The following CEP128 variants were observed in gnomAD, a reference collection of about 807,000 sequenced individuals.
CEP128 encodes centrosomal protein 128, also known as centrosomal protein 128kDa.
CEP128 carries 132 observed loss-of-function variants against 156.7 expected under a neutral mutation model. The observed-to-expected ratio is 0.84, with a 90% confidence interval of 0.73 to 0.97. The LOEUF (loss-of-function observed/expected upper bound fraction) is 0.97. Ranked by LOEUF, CEP128 falls within the 50% of genes least tolerant of loss-of-function variation. CEP128 has a pLI of 0.00. For missense variants in CEP128, 1,252 were observed against 1,281.9 expected (o/e 0.98, Z 0.36); for synonymous variants, 469 against 448.9 (o/e 1.04, Z -0.57).
At chr14:80,509,154 T>C (rs967886724) in intron 23 of CEP128, among the ~76,000 whole-genome samples, 1 of 152,198 alleles carries the variant, frequency 6.6e-6, no homozygotes, top group South Asian at 2.1e-4. Flanking sequence ...GGTCCCTGTA[T>C]ACCTAGAAGT....
At chr14:80,934,944 C>T (rs1279212378) in intron 2 of CEP128, among the ~76,000 whole-genome samples, 1 of 152,062 alleles carries the variant, frequency 6.6e-6, no homozygotes, top group African/African-American at 2.4e-5. Flanking sequence ...TTTACAGTTT[C>T]CTATGGACTA....
chr14:80,848,324 C>T (rs575413258), intron 9 of CEP128, among the ~76,000 whole-genome samples: 7 of 152,190 alleles, frequency 4.6e-5, no homozygotes, highest in South Asian at 4.1e-4. Context: ...AAAAGCAAGA[C>T]GGCCAGGATG....
intron 9 of CEP128, among the ~76,000 whole-genome samples, chr14:80,852,567 A>G (rs1193847907): frequency 6.6e-6 from 1 of 151,860 alleles, no homozygotes; most frequent in Non-Finnish European, 1.5e-5. Context: ...AGTCAAAAAG[A>G]AAACTAATAA....
chr14:80,848,217 G>A (rs567927981), intron 9 of CEP128, among the ~76,000 whole-genome samples: 12 of 152,278 alleles, frequency 7.9e-5, no homozygotes, highest in Non-Finnish European at 1.5e-4. Flanking sequence ...GAACATGAGC[G>A]CACAAACCGT....
At chr14:80,784,787 T>C (rs372448041) in intron 15 of CEP128, 108 bp downstream of exon 15, 145 of 985,792 alleles carry the variant, frequency 1.5e-4, no homozygotes, top group Middle Eastern at 1.3e-3. Context: ...TTATCTTCCC[T>C]TCAGTGCTTG....
intron 19 of CEP128, among the ~76,000 whole-genome samples, chr14:80,727,006 G>C (rs995032609): frequency 6.6e-6 from 1 of 152,094 alleles, no homozygotes; most frequent in African/African-American, 2.4e-5. Flanking sequence ...CTACATATTT[G>C]GGTGGAATTA....
At chr14:80,828,675 A>G (rs1340611191) in intron 13 of CEP128, among the ~76,000 whole-genome samples, 1 of 152,194 alleles carries the variant, frequency 6.6e-6, no homozygotes, top group Non-Finnish European at 1.5e-5. Flanking sequence ...GATGGAGCTG[A>G]GTAGGGAAGT....
chr14:80,589,825 T>C (rs1041739007), intron 19 of CEP128, among the ~76,000 whole-genome samples: 3 of 152,148 alleles, frequency 2.0e-5, no homozygotes, highest in Non-Finnish European at 2.9e-5. Flanking sequence ...CTAAGTATTT[T>C]TAAAATAATG....
chr14:80,575,810 T>C (rs1368181674), intron 20 of CEP128, among the ~76,000 whole-genome samples: 3 of 152,162 alleles, frequency 2.0e-5, no homozygotes, highest in East Asian at 3.9e-4. Context: ...AACCTACCAA[T>C]GGCTTAGTAT....
chr14:80,959,241 G>A (rs1886885935), intron 1 of CEP128, among the ~76,000 whole-genome samples: 1 of 152,038 alleles, frequency 6.6e-6, no homozygotes. Context: ...CCCACTGCCA[G>A]TGGAACATTC....
At chr14:80,912,510 A>G (rs1328844937) in intron 4 of CEP128, among the ~76,000 whole-genome samples, 2 of 152,200 alleles carry the variant, frequency 1.3e-5, no homozygotes, top group African/African-American at 4.8e-5. Context: ...TAATAAATTA[A>G]AAAGCAAAGA....
intron 2 of CEP128, among the ~76,000 whole-genome samples, chr14:80,937,989 T>C (rs1011823376): frequency 6.6e-6 from 1 of 151,974 alleles, no homozygotes; most frequent in African/African-American, 2.4e-5. Context: ...CTCGACCTTC[T>C]GGGCTCAAGT....
chr14:80,830,152 C>A, intron 13 of CEP128: 1 of 506,280 alleles, frequency 2.0e-6, no homozygotes, highest in Non-Finnish European at 3.5e-6. Context: ...GTATAATTAC[C>A]ATTGCTCTGA....
chr14:80,665,113 T>G (rs1382079750), intron 19 of CEP128, among the ~76,000 whole-genome samples: 1 of 152,188 alleles, frequency 6.6e-6, no homozygotes, highest in Non-Finnish European at 1.5e-5. Context: ...TGTCAAGTGC[T>G]TGAAGAAATT....
intron 23 of CEP128, among the ~76,000 whole-genome samples, chr14:80,518,034 C>G (rs1049394680): frequency 6.6e-6 from 1 of 151,414 alleles, no homozygotes; most frequent in Non-Finnish European, 1.5e-5. Flanking sequence ...GTAACAAACA[C>G]GGACCAGAAG....
chr14:80,896,850 C>CGAG (rs1170222552), intron 7 of CEP128, among the ~76,000 whole-genome samples: 1 of 152,144 alleles, frequency 6.6e-6, no homozygotes, highest in Non-Finnish European at 1.5e-5. Flanking sequence ...ACTTACTTTC[C>CGAG]TGCTCTAATT....
At chr14:80,696,299 TA>T (rs1359441530) in intron 19 of CEP128, among the ~76,000 whole-genome samples, 1 of 152,126 alleles carries the variant, frequency 6.6e-6, no homozygotes, top group Non-Finnish European at 1.5e-5. Context: ...TTGAGTGACT[TA>T]TAGGATATCC....
At chr14:80,769,930 A>G (rs1389769644) in intron 16 of CEP128, among the ~76,000 whole-genome samples, 2 of 152,232 alleles carry the variant, frequency 1.3e-5, no homozygotes, top group Non-Finnish European at 2.9e-5. Context: ...CAGATATGAT[A>G]CAGAACTTTC....
At chr14:80,789,215 A>G (rs557446085) in intron 14 of CEP128, among the ~76,000 whole-genome samples, 224 of 152,310 alleles carry the variant, frequency 1.5e-3, no homozygotes, top group African/African-American at 5.2e-3. Flanking sequence ...GTGACAGGAA[A>G]AAAACTGAAT....
Sources: allele counts gnomAD v4.1 joint callset (sites outside exome capture counted in the v4.1 genomes callset), GRCh38; gene constraint gnomAD v4.1.1; transcripts MANE v1.5; gene names NCBI Gene and HGNC (gene_info 2026-07-23, HGNC 2026-07-21).